Variants in LRRC37A2 observed in about 807,000 individuals in gnomAD.
LRRC37A2 encodes leucine-rich repeat-containing protein 37A2.
LRRC37A2 carries 9 observed loss-of-function variants against 68.8 expected under a neutral mutation model. The ratio of observed to expected loss-of-function variants is 0.13; its 90% confidence interval spans 0.08 to 0.23. The LOEUF (loss-of-function observed/expected upper bound fraction) is 0.23. LRRC37A2 is among the 10% of genes least tolerant of loss of function. The pLI, the probability that LRRC37A2 is intolerant of heterozygous loss-of-function variation, is 1.00. For missense variants in LRRC37A2, 168 were observed against 950.4 expected (o/e 0.18, Z 10.82); for synonymous variants, 63 against 367.6 (o/e 0.17, Z 9.48).
At chr17:46,755,691 A>G in the LRRC37A2 span, 1 of 1,208,718 alleles carries the variant, frequency 8.3e-7, no homozygotes, top group African/African-American at 1.5e-5. Flanking sequence ...ATAGTGGGAA[A>G]TGTAGGATAA....
At chr17:46,773,801 G>A in the LRRC37A2 span, 5 of 1,613,470 alleles carry the variant, frequency 3.1e-6, no homozygotes, top group East Asian at 2.2e-5. Context: ...GCATGATCTC[G>A]ATGTAATTGC....
the LRRC37A2 span, chr17:46,930,651 CT>C: frequency 0.037 from 3,350 of 90,774 alleles, 46 homozygotes; most frequent in African/African-American, 0.076. Flanking sequence ...TTCCTTTATG[CT>C]TTTTTTTTTT....
chr17:46,732,285 A>G, the LRRC37A2 span, among the ~76,000 whole-genome samples: 1 of 152,148 alleles, frequency 6.6e-6, no homozygotes, highest in Non-Finnish European at 1.5e-5. Context: ...GTGCTCAAAT[A>G]AAAGAATCCC....
chr17:46,894,760 C>T, the LRRC37A2 span, among the ~76,000 whole-genome samples: 2 of 152,202 alleles, frequency 1.3e-5, no homozygotes, highest in Admixed American at 6.5e-5. Context: ...CAGCTGCCCT[C>T]GGGCAGGACC....
intron 8 of LRRC37A2, among the ~76,000 whole-genome samples, chr17:46,545,483 A>G (rs1160391907): frequency 1.7e-5 from 2 of 117,546 alleles, no homozygotes; most frequent in Non-Finnish European, 3.3e-5. Flanking sequence ...GGTAATTAAT[A>G]AATAATCTGT....
At chr17:46,609,935 C>T in the LRRC37A2 span, among the ~76,000 whole-genome samples, 1 of 143,844 alleles carries the variant, frequency 7.0e-6, no homozygotes, top group Non-Finnish European at 1.6e-5. Flanking sequence ...AAACCTCTCA[C>T]CTCAGCCCCC....
the LRRC37A2 span, among the ~76,000 whole-genome samples, chr17:46,893,769 G>A: frequency 1.1e-4 from 16 of 152,242 alleles, no homozygotes; most frequent in African/African-American, 2.6e-4. Flanking sequence ...TGTAACTGTC[G>A]GCAAAAGAAA....
chr17:46,722,352 G>C, the LRRC37A2 span, among the ~76,000 whole-genome samples: 1 of 152,182 alleles, frequency 6.6e-6, no homozygotes, highest in African/African-American at 2.4e-5. Flanking sequence ...TTTGGATCTA[G>C]AGCAAGCACT....
chr17:46,836,095 CGTGTGTGTGTGT>C, the LRRC37A2 span, among the ~76,000 whole-genome samples: 16 of 126,430 alleles, frequency 1.3e-4, no homozygotes, highest in Non-Finnish European at 2.1e-4. Context: ...GAGACGCTGA[CGTGTGTGTGTGT>C]GTGTGTGTGT....
the LRRC37A2 span, among the ~76,000 whole-genome samples, chr17:46,869,015 G>A: frequency 2.6e-5 from 4 of 152,224 alleles, no homozygotes; most frequent in African/African-American, 4.8e-5. Flanking sequence ...CTGCAACACA[G>A]AAAATAAACA....
the LRRC37A2 span, among the ~76,000 whole-genome samples, chr17:47,033,741 A>T: frequency 6.6e-6 from 1 of 152,280 alleles, no homozygotes; most frequent in South Asian, 2.1e-4. Flanking sequence ...AGAACAGGCA[A>T]GAAATGTTCC....
the LRRC37A2 span, among the ~76,000 whole-genome samples, chr17:46,826,815 C>T: frequency 1.4e-5 from 2 of 144,970 alleles, no homozygotes; most frequent in East Asian, 2.0e-4. Flanking sequence ...TGAAGTCTCG[C>T]TCTATCACCC....
At chr17:47,019,325 A>G in the LRRC37A2 span, 14 of 1,608,714 alleles carry the variant, frequency 8.7e-6, no homozygotes, top group Non-Finnish European at 1.2e-5. Flanking sequence ...CTCAGCATTC[A>G]CACCTGACTC....
At chr17:46,717,660 T>TGA in the LRRC37A2 span, among the ~76,000 whole-genome samples, 2 of 152,014 alleles carry the variant, frequency 1.3e-5, no homozygotes, top group African/African-American at 4.8e-5. Flanking sequence ...TGCAGTGAGC[T>TGA]GAGAGCACAC....
chr17:46,889,213 G>C, the LRRC37A2 span, among the ~76,000 whole-genome samples: 1 of 152,258 alleles, frequency 6.6e-6, no homozygotes, highest in East Asian at 1.9e-4. Context: ...GTCAGGAGTT[G>C]ACTATATCTA....
intron 6 of LRRC37A2, among the ~76,000 whole-genome samples, chr17:46,531,843 G>GA (rs1185873281): frequency 8.4e-6 from 1 of 118,476 alleles, no homozygotes; most frequent in Non-Finnish European, 1.6e-5. Context: ...TGTTTTAAAA[G>GA]AAAAAAAATC....
chr17:46,884,019 G>C, the LRRC37A2 span, among the ~76,000 whole-genome samples: 1 of 152,036 alleles, frequency 6.6e-6, no homozygotes, highest in Non-Finnish European at 1.5e-5. Context: ...CCGCCATGGA[G>C]AGTGGGCAGT....
At chr17:46,925,627 G>A in the LRRC37A2 span, among the ~76,000 whole-genome samples, 8 of 152,176 alleles carry the variant, frequency 5.3e-5, no homozygotes, top group Non-Finnish European at 1.0e-4. Flanking sequence ...CAAGAAACAC[G>A]TGGAGTCCAG....
chr17:46,958,984 C>G, the LRRC37A2 span, among the ~76,000 whole-genome samples: 1 of 152,130 alleles, frequency 6.6e-6, no homozygotes, highest in African/African-American at 2.4e-5. Context: ...ACTGCCAATG[C>G]AAAAATAAGA....
Sources: gnomAD v4.1 joint callset for allele counts (sites outside exome capture counted in the v4.1 genomes callset) on GRCh38, gnomAD v4.1.1 for gene constraint, MANE v1.5 for transcripts, NCBI Gene and HGNC (gene_info 2026-07-23, HGNC 2026-07-21) for gene names.